BNIP3: variants seen among roughly 807,000 people sequenced by gnomAD.
The protein encoded by BNIP3 is BCL2/adenovirus E1B 19 kDa protein-interacting protein 3.
A neutral mutation model predicts 23.9 loss-of-function variants in BNIP3; 16 were observed. That is an observed-to-expected ratio of 0.67 (90% CI 0.45 to 1.01). The LOEUF (loss-of-function observed/expected upper bound fraction) is 1.01. Ranked by LOEUF, BNIP3 falls within the 50% of genes least tolerant of loss-of-function variation. BNIP3 has a pLI of 0.00. For synonymous variants in BNIP3, 81 were observed against 89.3 expected, an observed-to-expected ratio of 0.91 and a Z score of 0.53; for missense variants, 198 against 248.7, an observed-to-expected ratio of 0.80 and a Z score of 1.37.
chr10:131,976,385 C>G lies in BNIP3; in HGVS notation c.47-2442G>C, dbSNP rs949682327. Reference sequence around the variant, plus strand: ...TAGTGTGGAGCCCACAAGACTGTTCCCACAGATGCAAGCAGAGAATGGGGT... The same window carrying G: ...TAGTGTGGAGCCCACAAGACTGTTCGCACAGATGCAAGCAGAGAATGGGGT... On this transcript the variant is annotated intron_variant, in intron 1 of 5. Transcript: ENST00000368636. This position sits in a 1 kb window ranked among gnomAD's most constrained non-coding sequence, Gnocchi z 4.3. Among the ~76,000 whole-genome samples the G allele has an allele frequency of 3.9e-5, 6 of 152,080 alleles. No homozygotes were observed. Among genetic ancestry groups the G allele is most frequent in the Non-Finnish European group, 7.4e-5 (5 of 68,014 alleles).
chr10:131,973,217 G>A, intron 2 of BNIP3, 99 bp from the exon 3 acceptor site: 1 of 1,231,730 alleles, frequency 8.1e-7, no homozygotes, highest in South Asian at 1.2e-5. Flanking sequence ...TCCGTGATGA[G>A]GGGCTCTAGC....
At chr10:131,973,986 C>T (rs752164303) in intron 1 of BNIP3, 43 bp from the exon 2 acceptor site, 3 of 1,609,998 alleles carry the variant, frequency 1.9e-6, no homozygotes, top group South Asian at 1.1e-5. Context: ...ATTCTCTACC[C>T]ACTCTGGAAT....
intron 2 of BNIP3, 85 bp from the exon 3 acceptor site, chr10:131,973,203 C>T (rs1335255673): frequency 5.7e-6 from 8 of 1,394,922 alleles, no homozygotes; most frequent in East Asian, 2.3e-5. Flanking sequence ...GGCAGTGAAC[C>T]GCCTCCGTGA....
At chr10:131,974,729 G>A (rs9971066) in intron 1 of BNIP3, among the ~76,000 whole-genome samples, 42,343 of 152,088 alleles carry the variant, frequency 0.28, 5,995 homozygotes, top group East Asian at 0.45. Context: ...AATTTCTAAC[G>A]AGGTTGAAGA....
At chr10:131,974,507 C>T (rs2037065215) in intron 1 of BNIP3, among the ~76,000 whole-genome samples, 1 of 152,214 alleles carries the variant, frequency 6.6e-6, no homozygotes, top group South Asian at 2.1e-4. Context: ...CTAGCTGACA[C>T]CTCCGGAATA....
At chr10:131,972,669 C>A (rs1295058378) in intron 3 of BNIP3, among the ~76,000 whole-genome samples, 1 of 152,212 alleles carries the variant, frequency 6.6e-6, no homozygotes, top group Admixed American at 6.5e-5. Flanking sequence ...GAGGAAAGAC[C>A]AGCCAGTAGC....
At chr10:131,979,047 A>G (rs45459898) in intron 1 of BNIP3, among the ~76,000 whole-genome samples, 2,742 of 151,746 alleles carry the variant, frequency 0.018, 39 homozygotes, top group Non-Finnish European at 0.027. Flanking sequence ...TGTTGCCTCC[A>G]GGACCTCTGG....
chr10:131,974,007 T>C (rs2037061850), intron 1 of BNIP3, 64 bp from the exon 2 acceptor site: 2 of 1,593,692 alleles, frequency 1.3e-6, no homozygotes, highest in East Asian at 2.2e-5. Flanking sequence ...CTGCTCTTGA[T>C]ATCTAACCAG....
intron 5 of BNIP3, 95 bp from the exon 6 acceptor site, chr10:131,968,664 A>C: frequency 9.3e-7 from 1 of 1,078,708 alleles, no homozygotes; most frequent in South Asian, 1.3e-5. Flanking sequence ...GTTAGAGCTT[A>C]TGCAAGGGGA....
intron 1 of BNIP3, chr10:131,980,514 A>C (rs913882596): frequency 6.6e-6 from 1 of 150,770 alleles, no homozygotes; most frequent in African/African-American, 2.4e-5. Flanking sequence ...TGGGAGGCCG[A>C]GGCGGGAGGA....
chr10:131,975,680 T>C (rs531816106), intron 1 of BNIP3, among the ~76,000 whole-genome samples: 2 of 152,246 alleles, frequency 1.3e-5, no homozygotes, highest in East Asian at 3.9e-4. Flanking sequence ...CAGAGTCTAT[T>C]TCATATTAAC....
At chr10:131,975,407 A>G (rs2037072282) in intron 1 of BNIP3, among the ~76,000 whole-genome samples, 2 of 152,222 alleles carry the variant, frequency 1.3e-5, no homozygotes, top group South Asian at 4.1e-4. Context: ...CAGGCCACAA[A>G]AGACAGGGAA....
rs117214818 is a variant in BNIP3, at chr10:131,976,292, A to C, written c.47-2349T>G. On this transcript the variant is annotated intron_variant, in intron 1 of 5. Coordinates refer to ENST00000368636, the MANE Select transcript of BNIP3 (RefSeq NM_004052.4). The surrounding 1 kb of genome is among the most constrained non-coding windows in gnomAD (Gnocchi z 4.3). ...TTCTCTGATGCCACTCTTAACATCA[A>C]ATGTGGGACACCAAGTCACCACCAC... 6.6e-6 allele frequency among the ~76,000 whole-genome samples: 1 copy of C among 152,298 alleles called. No individual in the cohort carries two copies. Among genetic ancestry groups the C allele is most frequent in the Non-Finnish European group, 1.5e-5 (1 of 68,028 alleles).
intron 2 of BNIP3, chr10:131,973,591 A>T (rs569044553): frequency 3.1e-6 from 2 of 650,362 alleles, no homozygotes; most frequent in East Asian, 2.8e-5. Context: ...GGCTCCCCAC[A>T]GACTAAGTCC....
intron 1 of BNIP3, among the ~76,000 whole-genome samples, chr10:131,977,256 C>T (rs1343956855): frequency 1.3e-5 from 2 of 152,014 alleles, no homozygotes; most frequent in African/African-American, 2.4e-5. Flanking sequence ...GCAACAATAG[C>T]GAAACTCTGT....
chr10:131,980,429 C>G (rs2037110878), intron 1 of BNIP3: 1 of 151,708 alleles, frequency 6.6e-6, no homozygotes, highest in South Asian at 2.1e-4. Flanking sequence ...AGGAAAAATC[C>G]GAATTACAGG....
At chr10:131,973,387 G>T (rs964891517) in intron 2 of BNIP3, 2 of 498,658 alleles carry the variant, frequency 4.0e-6, no homozygotes, top group Non-Finnish European at 7.3e-6. Flanking sequence ...CCGCCTTCAC[G>T]GTCTGGGTCT....
At chr10:131,973,172 A>T in intron 2 of BNIP3, 54 bp from the exon 3 acceptor site, 2 of 1,573,264 alleles carry the variant, frequency 1.3e-6, no homozygotes, top group South Asian at 2.2e-5. Context: ...ACATTCTATC[A>T]TTAGAAGCTC....
intron 1 of BNIP3, among the ~76,000 whole-genome samples, chr10:131,975,596 G>A (rs1393553107): frequency 1.3e-5 from 2 of 152,176 alleles, no homozygotes; most frequent in African/African-American, 4.8e-5. Flanking sequence ...GCAAAGGCAG[G>A]TGCACAGCTT....
Sources: allele counts gnomAD v4.1 joint callset (sites outside exome capture counted in the v4.1 genomes callset), GRCh38; gene constraint gnomAD v4.1.1; non-coding constraint Gnocchi (gnomAD v3.1); transcripts MANE v1.5; gene names NCBI Gene and HGNC (gene_info 2026-07-23, HGNC 2026-07-21).